Variants in SOBP observed in about 807,000 individuals in gnomAD.
SOBP encodes sine oculis-binding protein homolog.
SOBP carries 4 observed loss-of-function variants against 53.6 expected under a neutral mutation model. The observed-to-expected ratio is 0.07, with a 90% CI of 0.04 to 0.17. The LOEUF (loss-of-function observed/expected upper bound fraction) is 0.17. SOBP is among the 10% of genes least tolerant of loss of function. SOBP has a pLI of 1.00. For missense variants in SOBP, 1,088 were observed against 1,204.7 expected (o/e 0.90, Z 1.43); for synonymous variants, 584 against 522.6 (o/e 1.12, Z -1.60).
intron 6 of SOBP, among the ~76,000 whole-genome samples, chr6:107,651,568 G>T (rs776445068): frequency 1.3e-5 from 2 of 152,252 alleles, no homozygotes; most frequent in African/African-American, 4.8e-5. Flanking sequence ...AAGTGCTGAT[G>T]TAGAAGCTGC....
At chr6:107,613,570 G>A (rs1327126205) in intron 5 of SOBP, among the ~76,000 whole-genome samples, 1 of 152,160 alleles carries the variant, frequency 6.6e-6, no homozygotes, top group Non-Finnish European at 1.5e-5. Context: ...GTAAGTGAGA[G>A]GAAAAGGAGA....
chr6:107,609,927 T>C (rs929395935), intron 5 of SOBP, among the ~76,000 whole-genome samples: 9 of 152,274 alleles, frequency 5.9e-5, no homozygotes, highest in African/African-American at 2.2e-4. Flanking sequence ...TGAGGATTTC[T>C]AGTTCTACGA....
At chr6:107,523,695 G>C (rs1029693886) in intron 3 of SOBP, among the ~76,000 whole-genome samples, 3 of 152,230 alleles carry the variant, frequency 2.0e-5, no homozygotes, top group Non-Finnish European at 2.9e-5. Context: ...TTGCTCTTCT[G>C]TCATGATGGG....
chr6:107,623,853 T>C (rs1311422595), intron 5 of SOBP, among the ~76,000 whole-genome samples: 1 of 152,088 alleles, frequency 6.6e-6, no homozygotes, highest in Non-Finnish European at 1.5e-5. Context: ...GAAAAGAGGA[T>C]GGGTTTGAAG....
At chr6:107,581,646 G>A (rs992350878) in intron 4 of SOBP, among the ~76,000 whole-genome samples, 4 of 152,248 alleles carry the variant, frequency 2.6e-5, no homozygotes, top group Non-Finnish European at 4.4e-5. Flanking sequence ...TCAAGAGAAC[G>A]TGTGGATGCA....
At chr6:107,508,763 G>T (rs1311176936) in intron 3 of SOBP, among the ~76,000 whole-genome samples, 1 of 152,098 alleles carries the variant, frequency 6.6e-6, no homozygotes, top group African/African-American at 2.4e-5. Flanking sequence ...GATACGGAGG[G>T]GTCCACATTT....
intron 5 of SOBP, among the ~76,000 whole-genome samples, chr6:107,595,350 CTTTT>C (rs745477007): frequency 1.1e-5 from 1 of 88,142 alleles, no homozygotes; most frequent in South Asian, 5.4e-4. Context: ...GATTTTGATC[CTTTT>C]TTTTTTTTTT....
chr6:107,648,890 T>C (rs1771676231), intron 6 of SOBP, among the ~76,000 whole-genome samples: 1 of 152,200 alleles, frequency 6.6e-6, no homozygotes, highest in South Asian at 2.1e-4. Flanking sequence ...GTATTTGATG[T>C]AAATTAGGTG....
chr6:107,577,134 C>T (rs1785248650), intron 4 of SOBP, among the ~76,000 whole-genome samples: 1 of 152,222 alleles, frequency 6.6e-6, no homozygotes, highest in African/African-American at 2.4e-5. Context: ...GTGTCTGTCT[C>T]CCCTTTGCCA....
intron 4 of SOBP, among the ~76,000 whole-genome samples, chr6:107,579,171 G>A (rs1260097526): frequency 6.6e-6 from 1 of 152,162 alleles, no homozygotes; most frequent in Non-Finnish European, 1.5e-5. Context: ...GTGGGCGGAG[G>A]AAGAAAGTGG....
chr6:107,491,200 C>A (rs1583133132), intron 1 of SOBP, among the ~76,000 whole-genome samples: 1 of 152,204 alleles, frequency 6.6e-6, no homozygotes, highest in African/African-American at 2.4e-5. Context: ...GCTGCGACGG[C>A]GTGAAGAGCC....
chr6:107,503,535 A>C, intron 1 of SOBP, 122 bp from the exon 2 acceptor site: 1 of 1,050,020 alleles, frequency 9.5e-7, no homozygotes, highest in Non-Finnish European at 1.5e-6. Context: ...TGAACACCAC[A>C]CTAGGGGAAG....
intron 6 of SOBP, among the ~76,000 whole-genome samples, chr6:107,648,982 T>A (rs894336803): frequency 7.9e-5 from 12 of 151,272 alleles, no homozygotes; most frequent in African/African-American, 2.9e-4. Context: ...GGTGGGAGGA[T>A]CATGAGCCCA....
At chr6:107,577,743 C>T (rs997872984) in intron 4 of SOBP, among the ~76,000 whole-genome samples, 1 of 152,102 alleles carries the variant, frequency 6.6e-6, no homozygotes, top group African/African-American at 2.4e-5. Context: ...GTGTCATACT[C>T]GATGATCTGA....
chr6:107,496,770 G>C (rs1044503755), intron 1 of SOBP, among the ~76,000 whole-genome samples: 1 of 152,328 alleles, frequency 6.6e-6, no homozygotes, highest in Non-Finnish European at 1.5e-5. Context: ...GGTCATCTGT[G>C]GGGGTGGCTC....
chr6:107,562,707 G>A (rs1784806348), intron 4 of SOBP, among the ~76,000 whole-genome samples: 3 of 152,272 alleles, frequency 2.0e-5, no homozygotes, highest in Admixed American at 6.5e-5. Flanking sequence ...ATCCCTTGAG[G>A]AAGGGACTGA....
intron 4 of SOBP, among the ~76,000 whole-genome samples, chr6:107,560,814 G>A (rs1353621771): frequency 3.3e-5 from 5 of 152,030 alleles, no homozygotes; most frequent in East Asian, 3.9e-4. Context: ...CCATGTTCAC[G>A]GCCTCTGTTG....
chr6:107,633,358 A>G (rs1770803041), intron 5 of SOBP, among the ~76,000 whole-genome samples, 156 bp from the exon 6 acceptor site: 1 of 152,268 alleles, frequency 6.6e-6, no homozygotes, highest in South Asian at 2.1e-4. Context: ...TCATTTTACA[A>G]ACATTTCAGA....
At chr6:107,521,951 C>T (rs1384095937) in intron 3 of SOBP, among the ~76,000 whole-genome samples, 4 of 144,570 alleles carry the variant, frequency 2.8e-5, no homozygotes, top group African/African-American at 1.0e-4. Context: ...CACACACACA[C>T]ACACACACAA....
Sources: gnomAD v4.1 joint callset for allele counts (sites outside exome capture counted in the v4.1 genomes callset) on GRCh38, gnomAD v4.1.1 for gene constraint, MANE v1.5 for transcripts, NCBI Gene and HGNC (gene_info 2026-07-23, HGNC 2026-07-21) for gene names.